The following HPSE2 variants were observed in gnomAD, a reference collection of about 807,000 sequenced individuals.
The protein encoded by HPSE2 is heparanase 2 (inactive).
HPSE2 carries 38 observed loss-of-function variants against 60.5 expected under a neutral mutation model. The ratio of observed to expected loss-of-function variants is 0.63; its 90% CI spans 0.48 to 0.82. The LOEUF is 0.82. HPSE2 is among the 40% of genes least tolerant of loss of function. HPSE2 has a pLI of 0.00. For synonymous variants in HPSE2, 295 were observed against 293.2 expected (o/e 1.01, Z -0.06); for missense variants, 713 against 740.4 (o/e 0.96, Z 0.43).
chr10:98,954,032 G>A (rs769255943), intron 3 of HPSE2, among the ~76,000 whole-genome samples: 1 of 152,190 alleles, frequency 6.6e-6, no homozygotes, highest in African/African-American at 2.4e-5. Flanking sequence ...TTGGCCGGAT[G>A]CGGTGGCTCA....
chr10:99,149,814 T>C (rs1846191278), intron 2 of HPSE2, among the ~76,000 whole-genome samples: 1 of 151,636 alleles, frequency 6.6e-6, no homozygotes, highest in Non-Finnish European at 1.5e-5. Flanking sequence ...TTAACTAATT[T>C]ACCAAATAAT....
chr10:99,243,683 C>G, the HPSE2 span, among the ~76,000 whole-genome samples: 2 of 152,100 alleles, frequency 1.3e-5, no homozygotes, highest in Non-Finnish European at 2.9e-5. Flanking sequence ...TCCCTGTAAT[C>G]CCAGCATTTT....
At chr10:98,765,148 C>T (rs569601770) in intron 3 of HPSE2, among the ~76,000 whole-genome samples, 5 of 152,290 alleles carry the variant, frequency 3.3e-5, no homozygotes, top group African/African-American at 7.2e-5. Context: ...CTGAACAATA[C>T]TATCAACCTA....
At chr10:99,099,955 C>G (rs2135634327) in intron 3 of HPSE2, among the ~76,000 whole-genome samples, 1 of 152,154 alleles carries the variant, frequency 6.6e-6, no homozygotes, top group East Asian at 1.9e-4. Flanking sequence ...TGAAAACTAA[C>G]AAACAGAAAG....
At chr10:98,983,503 T>C (rs1438024955) in intron 3 of HPSE2, among the ~76,000 whole-genome samples, 2 of 152,236 alleles carry the variant, frequency 1.3e-5, no homozygotes, top group Non-Finnish European at 2.9e-5. Flanking sequence ...AGATTTGAAA[T>C]TGTCTCAAAC....
chr10:99,191,967 A>G lies in HPSE2; in HGVS notation c.448+40381T>C, dbSNP rs962010139. ...AAAAGTAGCAGAAAATCTGGAGATG[A>G]AAAATGCATCAATATCCTTTAATTA... On this transcript the variant is annotated intron_variant, in intron 2 of 11. Coordinates refer to ENST00000370552, the MANE Select transcript of HPSE2 (RefSeq NM_021828.5). Among the ~76,000 whole-genome samples, 8 of 152,346 alleles carry G rather than the reference A, an allele frequency of 5.3e-5. No individual in the cohort carries two copies. The East Asian group carries it at 7.7e-4, about 15-fold the overall frequency.
chr10:98,661,944 G>A (rs1947235020), intron 6 of HPSE2, among the ~76,000 whole-genome samples: 1 of 152,130 alleles, frequency 6.6e-6, no homozygotes, highest in South Asian at 2.1e-4. Flanking sequence ...TATGTCGCCA[G>A]GCTGGAGTGC....
At chr10:98,508,466 T>A (rs890408419) in intron 9 of HPSE2, among the ~76,000 whole-genome samples, 1 of 152,198 alleles carries the variant, frequency 6.6e-6, no homozygotes, top group African/African-American at 2.4e-5. Flanking sequence ...TGCCCGGCTA[T>A]AGGAGGTGCT....
intron 2 of HPSE2, among the ~76,000 whole-genome samples, chr10:99,179,903 C>G (rs911361584): frequency 1.3e-5 from 2 of 152,090 alleles, no homozygotes; most frequent in Non-Finnish European, 2.9e-5. Context: ...GTACTGATAT[C>G]AAAACAGATA....
At chr10:99,089,901 A>G (rs1194985699) in intron 3 of HPSE2, among the ~76,000 whole-genome samples, 9 of 152,056 alleles carry the variant, frequency 5.9e-5, no homozygotes, top group Non-Finnish European at 1.0e-4. Context: ...TCCTTGGTTA[A>G]GTATATTCTT....
rs550273927 is a variant in HPSE2 at position 98,965,483 on chromosome 10, A to G, written c.610+178755T>C. ...ATGCATGACACATGGTAGGCATTCA[A>G]TCAGTCTGAATCTGAATATGAGGTC... On this transcript the variant is annotated intron_variant, in intron 3 of 11. Coordinates refer to ENST00000370552, the MANE Select transcript of HPSE2 (RefSeq NM_021828.5). Among the ~76,000 whole-genome samples, 132 of 152,260 alleles carry G rather than the reference A, an allele frequency of 8.7e-4. 1 individual carries two copies. Among genetic ancestry groups the G allele is most frequent in the African/African-American group, 3.0e-3 (124 of 41,560 alleles).
intron 3 of HPSE2, among the ~76,000 whole-genome samples, chr10:98,780,908 G>T (rs187346381): frequency 6.6e-6 from 1 of 152,070 alleles, no homozygotes; most frequent in Non-Finnish European, 1.5e-5. Context: ...GGATTCCCTT[G>T]TAGTTAGGGT....
intron 3 of HPSE2, among the ~76,000 whole-genome samples, chr10:98,935,044 T>C (rs1954750597): frequency 7.1e-6 from 1 of 141,560 alleles, no homozygotes; most frequent in Non-Finnish European, 1.5e-5. Flanking sequence ...GCCTTCAAGC[T>C]CTGATATTCT....
At chr10:99,268,132 T>C in the HPSE2 span, among the ~76,000 whole-genome samples, 1 of 152,116 alleles carries the variant, frequency 6.6e-6, no homozygotes, top group Non-Finnish European at 1.5e-5. Context: ...CTAGAAGGGA[T>C]TGGGGCCCTA....
At chr10:99,159,283 A>T (rs1234128933) in intron 2 of HPSE2, among the ~76,000 whole-genome samples, 2 of 152,196 alleles carry the variant, frequency 1.3e-5, no homozygotes, top group Non-Finnish European at 2.9e-5. Flanking sequence ...AAGAAGACAC[A>T]AATTACCAAA....
chr10:99,312,374 G>A, the HPSE2 span, among the ~76,000 whole-genome samples: 6 of 152,262 alleles, frequency 3.9e-5, no homozygotes, highest in East Asian at 3.9e-4. Flanking sequence ...TAATACAGCC[G>A]GCGACTTTAG....
At chr10:99,204,712 T>C (rs567219296) in intron 2 of HPSE2, among the ~76,000 whole-genome samples, 1 of 152,288 alleles carries the variant, frequency 6.6e-6, no homozygotes, top group Admixed American at 6.5e-5. Flanking sequence ...ATTTTTTGAA[T>C]AAATATATGG....
chr10:99,312,187 T>A, the HPSE2 span, among the ~76,000 whole-genome samples: 1 of 152,228 alleles, frequency 6.6e-6, no homozygotes, highest in African/African-American at 2.4e-5. Context: ...CAGCCAGTTA[T>A]CCAGAAGATC....
chr10:99,141,415 G>A (rs1056628214), intron 3 of HPSE2, among the ~76,000 whole-genome samples: 1 of 152,114 alleles, frequency 6.6e-6, no homozygotes, highest in Admixed American at 6.5e-5. Flanking sequence ...GCTAGGTGAG[G>A]CTAACATTAT....
Sources: gnomAD v4.1 joint callset for allele counts (sites outside exome capture counted in the v4.1 genomes callset) on GRCh38, gnomAD v4.1.1 for gene constraint, MANE v1.5 for transcripts, NCBI Gene and HGNC (gene_info 2026-07-23, HGNC 2026-07-21) for gene names.